Variants in VPS13B observed in about 807,000 individuals in gnomAD.
VPS13B encodes the protein vacuolar protein sorting 13 homolog B, also known as intermembrane lipid transfer protein VPS13B.
VPS13B carries 285 observed loss-of-function variants against 426.4 expected under a neutral mutation model. That is an observed-to-expected ratio of 0.67 (90% CI 0.61 to 0.74). The LOEUF is 0.74. VPS13B is among the 30% of genes least tolerant of loss of function. VPS13B has a pLI of 0.00. For missense variants in VPS13B, 4,537 were observed against 4,782.6 expected, an observed-to-expected ratio of 0.95 and a Z score of 1.51; for synonymous variants, 1,676 against 1,676.4, an observed-to-expected ratio of 1.00 and a Z score of 0.01.
At chr8:99,411,121 T>A (rs1333304497) in intron 21 of VPS13B, among the ~76,000 whole-genome samples, 1 of 152,214 alleles carries the variant, frequency 6.6e-6, no homozygotes, top group African/African-American at 2.4e-5. Flanking sequence ...TGGTTCTAGA[T>A]CCTTGAGGAA....
chr8:99,164,782 C>T (rs373745010), intron 15 of VPS13B, among the ~76,000 whole-genome samples: 236 of 152,222 alleles, frequency 1.6e-3, no homozygotes, highest in African/African-American at 5.2e-3. Context: ...CTCTCTGACT[C>T]CTTTTCTTTG....
chr8:99,481,637 G>C lies in VPS13B; in HGVS notation c.3705G>C (p.Lys1235Asn). ...LFYELTDIMN[K>N]VWNKIQKRGN... is the part of the protein sequence containing the mutation. ...ATGAACTAACTGATATCATGAATAA[G>C]GTCTGGAACAAGATTCAGAAGAGAG... The change falls in exon 25 of 62, where the codon AAG becomes AAC. Residue 1235 changes from lysine (K) to asparagine (N), a missense_variant. Coordinates refer to ENST00000357162, the MANE Select transcript of VPS13B (RefSeq NM_152564.5). The C allele has an allele frequency of 6.2e-7, 1 of 1,613,796 alleles. No homozygotes were observed. Among genetic ancestry groups the C allele is most frequent in the Non-Finnish European group, 8.5e-7 (1 of 1,179,846 alleles).
chr8:99,481,836 A>C (rs368005060), intron 25 of VPS13B, 34 bp downstream of exon 25: 2 of 1,607,620 alleles, frequency 1.2e-6, no homozygotes, highest in Non-Finnish European at 1.7e-6. Flanking sequence ...TACAAAATGA[A>C]GGTTAATATA....
intron 16 of VPS13B, among the ~76,000 whole-genome samples, chr8:99,189,723 T>A (rs1813448777): frequency 1.3e-5 from 2 of 152,186 alleles, no homozygotes; most frequent in African/African-American, 2.4e-5. Flanking sequence ...ATCTACCACG[T>A]TCCTAATTTG....
At chr8:99,678,424 T>A (rs1245974418) in intron 35 of VPS13B, among the ~76,000 whole-genome samples, 1 of 152,298 alleles carries the variant, frequency 6.6e-6, no homozygotes, top group East Asian at 1.9e-4. Flanking sequence ...TTACTAGATT[T>A]GCCTCCCCTG....
chr8:99,213,353 A>G (rs1588145590), intron 17 of VPS13B, among the ~76,000 whole-genome samples: 1 of 152,322 alleles, frequency 6.6e-6, no homozygotes, highest in East Asian at 1.9e-4. Context: ...AATCAAATAT[A>G]ACATTTTTTC....
chr8:99,278,805 T>C lies in VPS13B; in HGVS notation c.2824+3551T>C, dbSNP rs965448897. Among the ~76,000 whole-genome samples the C allele has an allele frequency of 6.6e-5, 10 of 152,366 alleles. No individual in the cohort carries two copies. The East Asian group carries it at 1.3e-3, about 21-fold the overall frequency. ...ACAGCATTTCTTTGTCTTTGAAGTC[T>C]CAGCAATTCCCTTTACACTTTTCCC... On this transcript the variant is annotated intron_variant, in intron 19 of 61. Coordinates refer to ENST00000357162, the MANE Select transcript of VPS13B (RefSeq NM_152564.5).
chr8:99,582,802 C>T (rs1352703987), intron 33 of VPS13B, among the ~76,000 whole-genome samples: 1 of 152,070 alleles, frequency 6.6e-6, no homozygotes, highest in African/African-American at 2.4e-5. Context: ...ACTAGAGGCG[C>T]CCGCCACCAC....
At chr8:99,014,238 C>T (rs966841748) in intron 2 of VPS13B, among the ~76,000 whole-genome samples, 8 of 149,668 alleles carry the variant, frequency 5.3e-5, no homozygotes, top group African/African-American at 2.0e-4. Context: ...CTGCCGTAGC[C>T]TCCCTAATAG....
chr8:99,334,002 G>C (rs1432995872), intron 19 of VPS13B, among the ~76,000 whole-genome samples: 2 of 151,754 alleles, frequency 1.3e-5, no homozygotes, highest in Non-Finnish European at 2.9e-5. Context: ...CTATTTTGTG[G>C]TTATTGTGTT....
rs561808150 is a variant in VPS13B at position 99,319,212 on chromosome 8, G to T, written c.2824+43958G>T. On this transcript the variant is annotated intron_variant, in intron 19 of 61. Transcript: ENST00000357162. ...CTGCCACATGTATTGTACCGGGACAGTTACAAGTCTTGCCTGTGTATATGT... is the reference window on the plus strand; with the variant it reads ...CTGCCACATGTATTGTACCGGGACATTTACAAGTCTTGCCTGTGTATATGT... 3.3e-5 allele frequency among the ~76,000 whole-genome samples: 5 copies of T among 152,296 alleles called. No homozygotes were observed. The South Asian group carries it at 1.0e-3, about 32-fold the overall frequency.
At position 99,577,644 on chromosome 8, in the gene VPS13B, C is replaced by T; in HGVS notation, c.5220+11C>T. On this transcript the variant is annotated intron_variant, in intron 33 of 61. Coordinates refer to ENST00000357162, the MANE Select transcript of VPS13B (RefSeq NM_152564.5). ...AACAAGGCTGCAGAGGTAACTGTTA[C>T]CTGATTTTGATCAGGCTTACTGCAT... The T allele has an allele frequency of 6.2e-7, 1 of 1,613,082 alleles. No individual in the cohort carries two copies. Among genetic ancestry groups the T allele is most frequent in the Non-Finnish European group, 8.5e-7 (1 of 1,179,642 alleles).
chr8:99,314,469 T>G (rs928486854), intron 19 of VPS13B, among the ~76,000 whole-genome samples: 1 of 152,336 alleles, frequency 6.6e-6, no homozygotes, highest in South Asian at 2.1e-4. Context: ...TCTGGTTATT[T>G]CATTGTTAAT....
At chr8:99,556,327 A>ATT in intron 30 of VPS13B, 123 bp from the exon 31 acceptor site, 1 of 1,007,826 alleles carries the variant, frequency 9.9e-7, no homozygotes, top group Non-Finnish European at 1.5e-6. Flanking sequence ...GCCCCAGTTT[A>ATT]TTCATCAGTA....
chr8:99,240,033 C>A (rs1396625132), intron 17 of VPS13B, among the ~76,000 whole-genome samples: 4 of 151,994 alleles, frequency 2.6e-5, no homozygotes, highest in Non-Finnish European at 5.9e-5. Flanking sequence ...AAGTGTGAAC[C>A]CCCTGATGCC....
chr8:99,822,096 T>G (rs1384668121), intron 50 of VPS13B, among the ~76,000 whole-genome samples: 2 of 152,364 alleles, frequency 1.3e-5, no homozygotes, highest in East Asian at 3.9e-4. Context: ...ATAATATAAC[T>G]AATCACATTA....
At chr8:99,649,469 T>C (rs185968503) in intron 34 of VPS13B, among the ~76,000 whole-genome samples, 1 of 152,300 alleles carries the variant, frequency 6.6e-6, no homozygotes, top group East Asian at 1.9e-4. Context: ...AAATTTCCAT[T>C]TGGTTCTTTT....
At chr8:99,317,554 A>T (rs1293384453) in intron 19 of VPS13B, among the ~76,000 whole-genome samples, 1 of 152,070 alleles carries the variant, frequency 6.6e-6, no homozygotes, top group Non-Finnish European at 1.5e-5. Flanking sequence ...AATTCATTTT[A>T]TTTTTTAATA....
chr8:99,280,988 T>C (rs1819142289), intron 19 of VPS13B, among the ~76,000 whole-genome samples: 1 of 152,300 alleles, frequency 6.6e-6, no homozygotes, highest in South Asian at 2.1e-4. Flanking sequence ...CAAGTCTCTA[T>C]AGCAGTGGTC....
Sources: allele counts gnomAD v4.1 joint callset (sites outside exome capture counted in the v4.1 genomes callset), GRCh38; gene constraint gnomAD v4.1.1; transcripts MANE v1.5; gene names NCBI Gene and HGNC (gene_info 2026-07-23, HGNC 2026-07-21).